The following SLIT2 variants were observed in gnomAD, a reference collection of about 807,000 sequenced individuals.
SLIT2 encodes the protein slit guidance ligand 2.
SLIT2 carries 41 observed loss-of-function variants against 185.7 expected under a neutral mutation model. That is an observed-to-expected ratio of 0.22 (90% CI 0.17 to 0.29). The LOEUF is 0.29. SLIT2 is among the 10% of genes least tolerant of loss of function. The pLI is 1.00. For missense variants in SLIT2, 1,571 were observed against 1,909.0 expected (o/e 0.82, Z 3.30); for synonymous variants, 693 against 680.2 (o/e 1.02, Z -0.29).
intron 4 of SLIT2, among the ~76,000 whole-genome samples, chr4:20,307,991 C>G (rs1717744348): frequency 6.6e-6 from 1 of 152,176 alleles, no homozygotes; most frequent in Admixed American, 6.5e-5. Context: ...ATAAAATACT[C>G]TACTGTCTTT....
At chr4:20,430,184 C>T (rs1728867560) in intron 4 of SLIT2, among the ~76,000 whole-genome samples, 1 of 152,032 alleles carries the variant, frequency 6.6e-6, no homozygotes, top group African/African-American at 2.4e-5. Flanking sequence ...TTGCTTTTCA[C>T]ATGTTCCGTG....
At chr4:20,489,143 G>A in intron 8 of SLIT2, 161 bp downstream of exon 8, 1 of 469,438 alleles carries the variant, frequency 2.1e-6, no homozygotes, top group Non-Finnish European at 3.6e-6. Flanking sequence ...AATATGTTCT[G>A]AGACCTCACT....
chr4:20,304,814 C>A (rs1717387405), intron 4 of SLIT2, among the ~76,000 whole-genome samples: 2 of 152,086 alleles, frequency 1.3e-5, no homozygotes, highest in African/African-American at 4.8e-5. Context: ...CCACTCACAC[C>A]ACAGAATTTT....
At chr4:20,343,802 T>TAAAAAA (rs34514669) in intron 4 of SLIT2, among the ~76,000 whole-genome samples, 1 of 130,640 alleles carries the variant, frequency 7.7e-6, no homozygotes, top group African/African-American at 2.9e-5. Context: ...TCCTTAAAAC[T>TAAAAAA]AAAAAAAAAA....
intron 26 of SLIT2, among the ~76,000 whole-genome samples, chr4:20,558,645 G>A (rs140738509): frequency 3.9e-5 from 6 of 151,960 alleles, no homozygotes; most frequent in South Asian, 4.1e-4. Context: ...TCATACCTAC[G>A]TACATCTTTG....
intron 4 of SLIT2, among the ~76,000 whole-genome samples, chr4:20,317,002 GA>G (rs148924335): frequency 6.7e-6 from 1 of 149,860 alleles, no homozygotes; most frequent in Non-Finnish European, 1.5e-5. Context: ...GGATTAGTGG[GA>G]AAAAAATGTG....
At chr4:20,563,032 A>G (rs1448053667) in intron 26 of SLIT2, among the ~76,000 whole-genome samples, 1 of 151,800 alleles carries the variant, frequency 6.6e-6, no homozygotes, top group Non-Finnish European at 1.5e-5. Context: ...TAGTGATTTT[A>G]GTCAAGTAAG....
intron 4 of SLIT2, among the ~76,000 whole-genome samples, chr4:20,313,834 C>T (rs938662602): frequency 8.5e-5 from 13 of 152,260 alleles, no homozygotes; most frequent in Non-Finnish European, 1.3e-4. Context: ...GGCGCTCAGG[C>T]GGCAATGCTC....
chr4:20,366,892 G>A lies in SLIT2; in HGVS notation c.395+98011G>A, dbSNP rs140685087. Among the ~76,000 whole-genome samples the A allele has an allele frequency of 5.4e-3, 827 of 151,958 alleles. 8 individuals carry two copies. The highest frequency in any genetic ancestry group is 8.4e-3 in the Non-Finnish European group (574 of 67,960). ...AGCTCACTGCAGCCTCAACCTCCTG[G>A]GCTCAAGTGATCCTCCAACCTCAGC... On this transcript the variant is annotated intron_variant, in intron 4 of 36. Coordinates refer to ENST00000504154, the MANE Select transcript of SLIT2 (RefSeq NM_004787.4).
chr4:20,491,621 GAAATATA>G, intron 8 of SLIT2, 133 bp from the exon 9 acceptor site: 1 of 616,646 alleles, frequency 1.6e-6, no homozygotes, highest in Middle Eastern at 4.0e-4. Context: ...ATATATTTTA[GAAATATA>G]GGACCATTTT....
At chr4:20,604,526 T>A (rs558363997) in intron 33 of SLIT2, among the ~76,000 whole-genome samples, 7 of 151,964 alleles carry the variant, frequency 4.6e-5, no homozygotes, top group Non-Finnish European at 8.8e-5. Flanking sequence ...TTTTTGTATT[T>A]TTAATAGAGA....
At chr4:20,454,397 G>A (rs1189270214) in intron 4 of SLIT2, among the ~76,000 whole-genome samples, 1 of 152,100 alleles carries the variant, frequency 6.6e-6, no homozygotes, top group African/African-American at 2.4e-5. Context: ...GTTTCATTAA[G>A]TAAATATACT....
chr4:20,574,260 A>G (rs923000257), intron 29 of SLIT2, among the ~76,000 whole-genome samples: 1 of 152,018 alleles, frequency 6.6e-6, no homozygotes, highest in Admixed American at 6.6e-5. Flanking sequence ...GGCCTGAGTC[A>G]TAGAATTATT....
intron 4 of SLIT2, among the ~76,000 whole-genome samples, chr4:20,317,410 C>A (rs916060828): frequency 1.8e-4 from 28 of 152,008 alleles, no homozygotes; most frequent in Non-Finnish European, 4.1e-4. Context: ...TACAGCATAG[C>A]AAATTCCACA....
At chr4:20,374,852 G>A (rs1040830551) in intron 4 of SLIT2, among the ~76,000 whole-genome samples, 5 of 152,022 alleles carry the variant, frequency 3.3e-5, no homozygotes, top group African/African-American at 9.7e-5. Context: ...AAAGGCTTAC[G>A]TTCACTCGAT....
chr4:20,326,678 T>G (rs1208373814), intron 4 of SLIT2, among the ~76,000 whole-genome samples: 2 of 151,796 alleles, frequency 1.3e-5, no homozygotes, highest in Non-Finnish European at 2.9e-5. Context: ...CTTCTTGGAA[T>G]TATCTACTCA....
At chr4:20,508,875 A>G (rs535525351) in intron 9 of SLIT2, among the ~76,000 whole-genome samples, 1 of 152,236 alleles carries the variant, frequency 6.6e-6, no homozygotes, top group East Asian at 1.9e-4. Flanking sequence ...AAGAGGTCAG[A>G]GAATGAACCC....
intron 4 of SLIT2, among the ~76,000 whole-genome samples, chr4:20,339,090 CA>C (rs398051113): frequency 0.29 from 20,661 of 70,992 alleles, 588 homozygotes; most frequent in Middle Eastern, 0.32. Flanking sequence ...GAGACACTCT[CA>C]AAAAAAAAAA....
At chr4:20,278,440 T>A (rs1360411608) in intron 4 of SLIT2, among the ~76,000 whole-genome samples, 2 of 152,166 alleles carry the variant, frequency 1.3e-5, no homozygotes, top group African/African-American at 4.8e-5. Context: ...CTCTACTTAC[T>A]TCTATCAAGT....
Sources: allele counts gnomAD v4.1 joint callset (sites outside exome capture counted in the v4.1 genomes callset), GRCh38; gene constraint gnomAD v4.1.1; transcripts MANE v1.5; gene names NCBI Gene and HGNC (gene_info 2026-07-23, HGNC 2026-07-21).